Variants in GRIK2 observed in about 807,000 individuals in gnomAD.
GRIK2 encodes glutamate ionotropic receptor kainate type subunit 2.
Under a neutral mutation model 100.3 loss-of-function variants are expected in GRIK2, and 32 were observed. The observed-to-expected ratio is 0.32, with a 90% CI of 0.24 to 0.43. GRIK2 has a LOEUF of 0.43. GRIK2 is among the 20% of genes least tolerant of loss of function. The pLI is 1.00. For synonymous variants in GRIK2, 417 were observed against 389.4 expected (o/e 1.07, Z -0.83); for missense variants, 843 against 1,114.9 (o/e 0.76, Z 3.47).
At chr6:101,403,181 T>C (rs2128236204) in intron 2 of GRIK2, among the ~76,000 whole-genome samples, 2 of 152,326 alleles carry the variant, frequency 1.3e-5, no homozygotes, top group African/African-American at 4.8e-5. Context: ...GGTCAGGTTT[T>C]CATTCAAAAT....
rs535182846 is a variant in GRIK2, at chr6:101,807,877, G to T, written c.1203+5439G>T. 5.9e-5 allele frequency among the ~76,000 whole-genome samples: 9 copies of T among 152,156 alleles called. No homozygotes were observed. The South Asian group carries it at 1.9e-3, about 32-fold the overall frequency. On this transcript the variant is annotated intron_variant, in intron 9 of 16. Transcript: ENST00000369134. ...TGGTCATTGTCTATTTGTGTATTCAGTCTGTGAGTGGAATTACTGAAGTAA... is the reference window on the plus strand; with the variant it reads ...TGGTCATTGTCTATTTGTGTATTCATTCTGTGAGTGGAATTACTGAAGTAA...
intron 7 of GRIK2, among the ~76,000 whole-genome samples, chr6:101,687,388 C>A (rs1018886662): frequency 1.3e-5 from 2 of 151,862 alleles, no homozygotes; most frequent in Admixed American, 6.6e-5. Context: ...TAGGAAATTA[C>A]CATCTGCTTT....
intron 7 of GRIK2, among the ~76,000 whole-genome samples, chr6:101,758,526 C>T (rs1056315410): frequency 3.9e-5 from 6 of 152,136 alleles, no homozygotes; most frequent in Admixed American, 6.6e-5. Flanking sequence ...ATGTTGAAAG[C>T]AAAATCTCTG....
chr6:102,061,340 A>G (rs533871656), intron 16 of GRIK2, among the ~76,000 whole-genome samples: 31 of 150,708 alleles, frequency 2.1e-4, no homozygotes, highest in Non-Finnish European at 4.0e-4. Flanking sequence ...AAATATTATC[A>G]TCTATATAGT....
intron 14 of GRIK2, among the ~76,000 whole-genome samples, chr6:101,992,847 T>C (rs956645152): frequency 2.6e-5 from 4 of 151,626 alleles, no homozygotes; most frequent in Admixed American, 2.0e-4. Context: ...TTCACTACTT[T>C]GGAAGATTAA....
At chr6:101,776,310 A>G (rs988222331) in intron 7 of GRIK2, among the ~76,000 whole-genome samples, 11 of 152,208 alleles carry the variant, frequency 7.2e-5, no homozygotes, top group Admixed American at 7.2e-4. Context: ...ATTTGTATGA[A>G]ATGTTCATAC....
intron 2 of GRIK2, among the ~76,000 whole-genome samples, chr6:101,452,472 A>G (rs967561999): frequency 7.9e-5 from 12 of 151,616 alleles, no homozygotes; most frequent in Non-Finnish European, 7.4e-5. Context: ...TTTTTTAAAA[A>G]GTTCTCCAGC....
At chr6:101,534,417 C>G (rs1775590800) in intron 2 of GRIK2, among the ~76,000 whole-genome samples, 1 of 151,780 alleles carries the variant, frequency 6.6e-6, no homozygotes, top group South Asian at 2.1e-4. Flanking sequence ...TGTTTTCTTA[C>G]CCACAGAATA....
At chr6:101,599,238 A>G (rs1779077517) in intron 2 of GRIK2, among the ~76,000 whole-genome samples, 1 of 151,862 alleles carries the variant, frequency 6.6e-6, no homozygotes, top group African/African-American at 2.4e-5. Flanking sequence ...TGCTGCTGCA[A>G]AGGACACCAT....
intron 2 of GRIK2, among the ~76,000 whole-genome samples, chr6:101,612,027 T>C (rs954249010): frequency 6.6e-6 from 1 of 151,922 alleles, no homozygotes; most frequent in East Asian, 1.9e-4. Context: ...AAGTTGAGGA[T>C]AAAGAGTGGC....
Position 101,665,298 on chromosome 6 carries a change from C to T in GRIK2, c.542-11325C>T, listed in dbSNP as rs188787746. 1.1e-3 allele frequency among the ~76,000 whole-genome samples: 173 copies of T among 152,236 alleles called. 2 individuals are homozygous for T. Among genetic ancestry groups the T allele is most frequent in the Admixed American group, 0.01 (155 of 15,272 alleles). ...AAACTTCTGGTTATATCTAAGACAC[C>T]ACCTAGTAGGACTGCATTCTGTTCT... On this transcript the variant is annotated intron_variant, in intron 4 of 16. Transcript: ENST00000369134.
chr6:101,483,272 A>G (rs1344850729), intron 2 of GRIK2, among the ~76,000 whole-genome samples: 1 of 152,210 alleles, frequency 6.6e-6, no homozygotes, highest in East Asian at 1.9e-4. Context: ...TCACTGTGAC[A>G]GAGGAAGTGC....
chr6:101,765,367 C>T (rs1184341585), intron 7 of GRIK2, among the ~76,000 whole-genome samples: 2 of 152,064 alleles, frequency 1.3e-5, no homozygotes, highest in Admixed American at 6.6e-5. Flanking sequence ...GTACTGAATG[C>T]GTGTGTGCTT....
At chr6:101,533,670 C>T (rs1775552724) in intron 2 of GRIK2, among the ~76,000 whole-genome samples, 1 of 151,878 alleles carries the variant, frequency 6.6e-6, no homozygotes, top group Non-Finnish European at 1.5e-5. Context: ...CTGACAATGC[C>T]TTAGGCCAGT....
chr6:101,511,817 G>C (rs1359739067), intron 2 of GRIK2, among the ~76,000 whole-genome samples: 2 of 151,836 alleles, frequency 1.3e-5, no homozygotes, highest in African/African-American at 4.8e-5. Context: ...CTTGGAAAAT[G>C]GTTCAGATTA....
Position 101,686,296 on chromosome 6 carries a change from G to A in GRIK2, c.894G>A (p.Met298Ile). 6.2e-7 allele frequency: 1 copy of A among 1,613,552 alleles called. No homozygotes were observed. The highest frequency in any genetic ancestry group is 8.5e-7 in the Non-Finnish European group (1 of 1,179,610). Reference protein sequence around the residue: ...QVSSIIEKWSMERLQAPPKPD... With the variant: ...QVSSIIEKWSIERLQAPPKPD... ...CCTCCATCATTGAAAAGTGGTCGAT[G>A]GAACGATTGCAGGCACCTCCGAAAC... The change falls in exon 7 of 17, where the codon ATG becomes ATA. Residue 298 changes from methionine (M) to isoleucine (I), a missense_variant. This residue lies in a region of GRIK2 where 519 missense variants were observed against 643.8 expected (regional missense o/e 0.81). Transcript: ENST00000369134.
intron 4 of GRIK2, among the ~76,000 whole-genome samples, chr6:101,627,323 G>A (rs1411956357): frequency 1.3e-5 from 2 of 152,066 alleles, no homozygotes; most frequent in Non-Finnish European, 2.9e-5. Context: ...TGTATTTTTA[G>A]TGGAGTCAGG....
chr6:102,056,325 T>C (rs1378812017), intron 16 of GRIK2, among the ~76,000 whole-genome samples: 4 of 152,034 alleles, frequency 2.6e-5, no homozygotes, highest in Non-Finnish European at 5.9e-5. Context: ...TCTATATTTC[T>C]AGTGCTATAA....
intron 9 of GRIK2, among the ~76,000 whole-genome samples, chr6:101,817,395 C>T (rs1184468228): frequency 6.6e-6 from 1 of 152,132 alleles, no homozygotes; most frequent in Non-Finnish European, 1.5e-5. Flanking sequence ...TGATAGTTTT[C>T]CTTTTCTTTG....
Sources: gnomAD v4.1 joint callset for allele counts (sites outside exome capture counted in the v4.1 genomes callset) on GRCh38, gnomAD v4.1.1 for gene constraint, gnomAD v4.1.1 regional missense constraint, MANE v1.5 for transcripts, NCBI Gene and HGNC (gene_info 2026-07-23, HGNC 2026-07-21) for gene names.